CFAP99: variants seen among roughly 807,000 people sequenced by gnomAD.
The protein encoded by CFAP99 is cilia- and flagella-associated protein 99.
CFAP99 carries 84 observed loss-of-function variants against 82.7 expected under a neutral mutation model. The observed-to-expected ratio is 1.02, with a 90% CI of 0.85 to 1.22. CFAP99 has a LOEUF of 1.22. Ranked by LOEUF, CFAP99 falls within the 50% of genes most tolerant of loss-of-function variation. CFAP99 has a pLI of 0.00. For missense variants in CFAP99, 1,059 were observed against 983.5 expected (o/e 1.08, Z -1.03); for synonymous variants, 456 against 429.5 (o/e 1.06, Z -0.76).
chr4:2,426,328 G>GGGCCCCCAGTCAC, intron 1 of CFAP99, 131 bp from the exon 2 acceptor site: 1 of 649,004 alleles, frequency 1.5e-6, no homozygotes, highest in Non-Finnish European at 2.7e-6. Context: ...ACCCTAGCCA[G>GGGCCCCCAGTCAC]GGCCCCCAGT....
At chr4:2,437,077 G>A (rs957730459) in intron 3 of CFAP99, 59 bp downstream of exon 3, 2 of 1,527,384 alleles carry the variant, frequency 1.3e-6, no homozygotes, top group Non-Finnish European at 1.8e-6. Context: ...CAGGCTCTCT[G>A]CGGAAAGGCC....
exon 10 of CFAP99, chr4:2,451,328 G>A (rs1336766915): frequency 2.3e-5 from 35 of 1,535,728 alleles, no homozygotes; most frequent in South Asian, 3.6e-5. Context: ...TTGTACCAGC[G>A]GCAGGTGGAG....
At chr4:2,426,381 G>A (rs898884759) in intron 1 of CFAP99, 78 bp from the exon 2 acceptor site, 2 of 886,718 alleles carry the variant, frequency 2.3e-6, no homozygotes, top group Non-Finnish European at 3.6e-6. Context: ...CACCCTGGCA[G>A]ACTCCTGTCG....
intron 14 of CFAP99, among the ~76,000 whole-genome samples, chr4:2,460,897 C>A (rs1336482187): frequency 6.6e-6 from 1 of 152,238 alleles, no homozygotes; most frequent in Non-Finnish European, 1.5e-5. Flanking sequence ...CACCACCACG[C>A]CCGGCTAACT....
At chr4:2,442,537 C>T (rs1410096399) in intron 4 of CFAP99, among the ~76,000 whole-genome samples, 2 of 152,098 alleles carry the variant, frequency 1.3e-5, no homozygotes, top group African/African-American at 4.8e-5. Flanking sequence ...CCCACCATTA[C>T]CCCCGCTCAG....
chr4:2,458,602 T>G, intron 11 of CFAP99, 121 bp from the exon 12 acceptor site: 1 of 1,281,840 alleles, frequency 7.8e-7, no homozygotes, highest in South Asian at 1.6e-5. Context: ...GGTTCTGGGG[T>G]GATTCAAGGG....
chr4:2,436,738 C>A, intron 2 of CFAP99, 136 bp from the exon 3 acceptor site: 1 of 676,214 alleles, frequency 1.5e-6, no homozygotes. Context: ...CTGCCAGCTG[C>A]CTTGGGGGCC....
In CFAP99 at chr4:2,460,031, C is replaced by T. The variant is rs984934461; in HGVS notation, c.1456-6C>T. On this transcript the variant is annotated splice_polypyrimidine_tract_variant and splice_region_variant and intron_variant, in intron 13 of 14. Transcript: ENST00000635017. ...CCAGCTTGGGGCCTCCCCTACCACC[C>T]CACAGATCCCCGGCTACGGCCTGGA... The T allele has an allele frequency of 6.8e-5, 104 of 1,535,524 alleles. No individual in the cohort carries two copies. Among genetic ancestry groups the T allele is most frequent in the Non-Finnish European group, 8.3e-5 (95 of 1,146,854 alleles).
intron 1 of CFAP99, among the ~76,000 whole-genome samples, chr4:2,422,566 T>A (rs1733606076): frequency 6.6e-6 from 1 of 152,102 alleles, no homozygotes; most frequent in African/African-American, 2.4e-5. Context: ...GGGAAACTGT[T>A]CCACCTTGGC....
chr4:2,460,390 T>G (rs1396218554), intron 14 of CFAP99, 148 bp downstream of exon 14: 2 of 691,484 alleles, frequency 2.9e-6, no homozygotes. Flanking sequence ...TGACCCCTAT[T>G]ATTGTAGTAG....
rs1413761920 is a variant in CFAP99 at position 2,448,899 on chromosome 4, T to C, written c.643-771T>C. Among the ~76,000 whole-genome samples, 1 of 151,940 alleles carries C rather than the reference T, an allele frequency of 6.6e-6. No individual in the cohort carries two copies. Among genetic ancestry groups the C allele is most frequent in the African/African-American group, 2.4e-5 (1 of 41,350 alleles). On this transcript the variant is annotated intron_variant, in intron 6 of 14. Transcript: ENST00000635017. The surrounding 1 kb of genome is among the most constrained non-coding windows in gnomAD (Gnocchi z 5.2). ...GTTCCTGGAGATGGCTTGAAGCAGGTGGGCAGGAGATGGATGTGGGTGTGA... is the reference window on the plus strand; with the variant it reads ...GTTCCTGGAGATGGCTTGAAGCAGGCGGGCAGGAGATGGATGTGGGTGTGA...
At chr4:2,445,335 C>A in intron 6 of CFAP99, 27 bp downstream of exon 6, 1 of 1,315,496 alleles carries the variant, frequency 7.6e-7, no homozygotes, top group East Asian at 3.0e-5. Context: ...TCAGCAGGCA[C>A]TGGCTTGCAG....
chr4:2,453,791 G>T (rs1578480882), intron 11 of CFAP99, among the ~76,000 whole-genome samples: 7 of 135,612 alleles, frequency 5.2e-5, no homozygotes, highest in East Asian at 4.2e-4. Flanking sequence ...AAATGCAATT[G>T]AATATATTTG....
At chr4:2,459,859 G>C (rs1328365618) in intron 13 of CFAP99, among the ~76,000 whole-genome samples, 178 bp from the exon 14 acceptor site, 2 of 152,254 alleles carry the variant, frequency 1.3e-5, no homozygotes, top group Non-Finnish European at 2.9e-5. Context: ...CCCACACAAG[G>C]TGTAGTGTTG....
At chr4:2,460,275 G>A (rs2108737850) in intron 14 of CFAP99, 33 bp downstream of exon 14, 1 of 1,528,056 alleles carries the variant, frequency 6.5e-7, no homozygotes, top group Non-Finnish European at 8.8e-7. Context: ...GTGCCTCTGG[G>A]TGGACAGGGA....
Position 2,460,189 on chromosome 4 carries a change from GGTGGAGCAGATCTCGCTGTGCC to G in CFAP99, c.1612_1633del (p.Glu538GlnfsTer9). ...CCAAGAGCCAGGAACTGCAGAACAT[GGTGGAGCAGATCTCGCTGTGCC>G]GTGCAGCCATGGGGAGATCCGCAGC... On this transcript the variant is annotated frameshift_variant, in exon 14 of 15. Coordinates refer to ENST00000635017, the Ensembl canonical transcript of CFAP99. LOFTEE classifies it high-confidence loss of function. 1.3e-6 allele frequency: 2 copies of G among 1,536,144 alleles called. No homozygotes were observed. Among genetic ancestry groups the G allele is most frequent in the Middle Eastern group, 1.7e-4 (1 of 5,990 alleles).
intron 14 of CFAP99, among the ~76,000 whole-genome samples, chr4:2,460,665 A>T (rs185298318): frequency 6.6e-6 from 1 of 152,354 alleles, no homozygotes; most frequent in Admixed American, 6.5e-5. Flanking sequence ...TAGAAAATGG[A>T]ACAAAAATTC....
chr4:2,437,862 T>A (rs1733950790), intron 3 of CFAP99, among the ~76,000 whole-genome samples: 1 of 152,232 alleles, frequency 6.6e-6, no homozygotes, highest in Admixed American at 6.5e-5. Context: ...ATGGGATTAT[T>A]TGTCAAAGTG....
intron 2 of CFAP99, chr4:2,428,548 G>A (rs73205479): frequency 0.12 from 17,351 of 148,136 alleles, 1,127 homozygotes; most frequent in Non-Finnish European, 0.15. Flanking sequence ...CACCCACAGC[G>A]CCAGTCTGGG....
Sources: allele counts gnomAD v4.1 joint callset (sites outside exome capture counted in the v4.1 genomes callset), GRCh38; gene constraint gnomAD v4.1.1; non-coding constraint Gnocchi (gnomAD v3.1); transcripts MANE v1.5; gene names NCBI Gene and HGNC (gene_info 2026-07-23, HGNC 2026-07-21).